Variants in NAV2 observed in about 807,000 individuals in gnomAD.
The protein encoded by NAV2 is neuron navigator 2.
NAV2 carries 54 observed loss-of-function variants against 223.2 expected under a neutral mutation model. The ratio of observed to expected loss-of-function variants is 0.24; its 90% confidence interval spans 0.19 to 0.30. The LOEUF (loss-of-function observed/expected upper bound fraction) is 0.30. NAV2 is among the 10% of genes least tolerant of loss of function. The pLI, the probability that NAV2 is intolerant of heterozygous loss-of-function variation, is 1.00. For missense variants in NAV2, 2,806 were observed against 3,147.5 expected, an observed-to-expected ratio of 0.89 and a Z score of 2.60; for synonymous variants, 1,279 against 1,239.3, an observed-to-expected ratio of 1.03 and a Z score of -0.67.
intron 1 of NAV2, among the ~76,000 whole-genome samples, chr11:19,397,238 C>T (rs1849487677): frequency 6.6e-6 from 1 of 152,122 alleles, no homozygotes; most frequent in Non-Finnish European, 1.5e-5. Flanking sequence ...TAGGCATTTT[C>T]CTTCAATTAT....
chr11:19,569,088 A>C (rs59274974), intron 1 of NAV2, among the ~76,000 whole-genome samples: 4,289 of 152,228 alleles, frequency 0.028, 191 homozygotes, highest in East Asian at 0.14. Flanking sequence ...ATGGTAAATG[A>C]TTTTTCTTCT....
At chr11:19,964,814 T>A (rs2048629697) in intron 10 of NAV2, among the ~76,000 whole-genome samples, 4 of 128,592 alleles carry the variant, frequency 3.1e-5, no homozygotes, top group African/African-American at 1.3e-4. Context: ...TTCTACTTTT[T>A]TTTTTTTTTT....
At chr11:19,537,439 G>A (rs58054087) in intron 1 of NAV2, among the ~76,000 whole-genome samples, 11,303 of 152,166 alleles carry the variant, frequency 0.074, 1,424 homozygotes, top group African/African-American at 0.26. Flanking sequence ...TTCCCAAAGC[G>A]TACTACAAAA....
intron 1 of NAV2, among the ~76,000 whole-genome samples, chr11:19,805,324 T>A (rs1478791372): frequency 6.6e-6 from 1 of 152,204 alleles, no homozygotes; most frequent in African/African-American, 2.4e-5. Context: ...TTTGTCACTT[T>A]TATTAACAGT....
At chr11:19,804,840 G>A (rs2058460846) in intron 1 of NAV2, among the ~76,000 whole-genome samples, 2 of 152,318 alleles carry the variant, frequency 1.3e-5, no homozygotes, top group Admixed American at 6.5e-5. Context: ...GTGAAGAGTG[G>A]CATTCTAACC....
In NAV2 at chr11:20,097,581, A is replaced by C; in HGVS notation, c.6017A>C (p.Tyr2006Ser). 1 of 1,587,486 alleles carries C rather than the reference A, an allele frequency of 6.3e-7. No homozygotes were observed. Among genetic ancestry groups the C allele is most frequent in the Non-Finnish European group, 8.5e-7 (1 of 1,171,406 alleles). Reference sequence around the variant, plus strand: ...TTTATTTTTTATTTTTTCCAGGAATACATCATTCATGTCGACCCAGTGAGT... The same window carrying C: ...TTTATTTTTTATTTTTTCCAGGAATCCATCATTCATGTCGACCCAGTGAGT... Reference protein sequence around the residue: ...DGVVRRLFKEYIIHVDPVSQL... With the variant: ...DGVVRRLFKESIIHVDPVSQL... The change falls in exon 31 of 38, where the codon TAC (tyrosine) becomes TCC (serine). Residue 2006 changes from tyrosine (Y) to serine (S), a missense_variant. Transcript: ENST00000349880.
chr11:19,407,415 G>A (rs1169842335), intron 1 of NAV2, among the ~76,000 whole-genome samples: 1 of 152,194 alleles, frequency 6.6e-6, no homozygotes, highest in Admixed American at 6.5e-5. Context: ...GATGACATGT[G>A]CAAAGAGGAT....
intron 1 of NAV2, among the ~76,000 whole-genome samples, chr11:19,445,010 C>A (rs961252877): frequency 3.3e-5 from 5 of 152,244 alleles, no homozygotes; most frequent in Non-Finnish European, 7.3e-5. Flanking sequence ...ACCACCATCT[C>A]TGCTATCACT....
intron 28 of NAV2, 63 bp from the exon 29 acceptor site, chr11:20,093,036 G>A (rs1267751677): frequency 2.6e-6 from 3 of 1,139,810 alleles, no homozygotes; most frequent in South Asian, 1.3e-5. Flanking sequence ...TGCAGCGGGG[G>A]TGTCAGGAAG....
At chr11:19,419,274 A>C (rs909760065) in intron 1 of NAV2, among the ~76,000 whole-genome samples, 1 of 152,212 alleles carries the variant, frequency 6.6e-6, no homozygotes, top group African/African-American at 2.4e-5. Context: ...CTTTCTTACT[A>C]TCTTTAGAGG....
In NAV2 at chr11:20,100,987, A is replaced by G; in HGVS notation, c.6232A>G (p.Lys2078Glu). Residue 2078 changes from lysine to glutamate, a missense_variant, in exon 32 of 38, where the codon AAG (lysine) becomes GAG (glutamate). Lys to Glu is a moderately conservative substitution (Grantham distance 56). This residue lies in a region of NAV2 where 824 missense variants were observed against 1,069.4 expected (regional missense o/e 0.77). Transcript: ENST00000349880. The part of the protein sequence containing the change: ...DSLVFESLIP[K>E]PILQRYVSLL... ...ACTGGTGTTTGAGTCCTTGATTCCC[A>G]AGCCCATCCTGCAGCGCTACGTCTC... 6.2e-7 allele frequency: 1 copy of G among 1,614,072 alleles called. No homozygotes were observed. Among genetic ancestry groups the G allele is most frequent in the Non-Finnish European group, 8.5e-7 (1 of 1,180,014 alleles).
chr11:19,622,769 A>C (rs1029736555), intron 1 of NAV2, among the ~76,000 whole-genome samples: 1 of 152,154 alleles, frequency 6.6e-6, no homozygotes, highest in Non-Finnish European at 1.5e-5. Context: ...TTTACATTTA[A>C]GGTTAATATT....
intron 1 of NAV2, among the ~76,000 whole-genome samples, chr11:19,421,328 C>T (rs937003046): frequency 4.6e-5 from 7 of 152,118 alleles, no homozygotes; most frequent in East Asian, 3.9e-4. Context: ...GACCAGAGTG[C>T]GCAGCTGGAA....
chr11:19,441,242 A>G (rs956728499), intron 1 of NAV2, among the ~76,000 whole-genome samples: 3 of 152,164 alleles, frequency 2.0e-5, no homozygotes, highest in Admixed American at 2.0e-4. Context: ...GAATGGCTGG[A>G]GATGGATGGG....
intron 1 of NAV2, among the ~76,000 whole-genome samples, chr11:19,667,048 C>T (rs960403816): frequency 2.0e-5 from 3 of 152,154 alleles, no homozygotes; most frequent in African/African-American, 7.2e-5. Context: ...ACCCCAACCC[C>T]CAGACTAGAC....
intron 36 of NAV2, among the ~76,000 whole-genome samples, chr11:20,109,046 A>G (rs2062409592): frequency 6.6e-6 from 1 of 152,218 alleles, no homozygotes; most frequent in Admixed American, 6.5e-5. Context: ...GTGCACCCAC[A>G]GGCACGTGTG....
chr11:20,112,925 C>T (rs898686935), intron 36 of NAV2, among the ~76,000 whole-genome samples: 13 of 152,192 alleles, frequency 8.5e-5, no homozygotes, highest in East Asian at 5.8e-4. Context: ...ACCCTCTCCA[C>T]GGCAGGATTC....
chr11:19,469,878 C>A (rs1161271873), intron 1 of NAV2, among the ~76,000 whole-genome samples: 1 of 152,246 alleles, frequency 6.6e-6, no homozygotes, highest in Non-Finnish European at 1.5e-5. Context: ...TCACTTTGCT[C>A]CTCTGTCTTC....
intron 1 of NAV2, among the ~76,000 whole-genome samples, chr11:19,567,855 G>T (rs2045315897): frequency 6.6e-6 from 1 of 152,124 alleles, no homozygotes. Context: ...TCCTTCCGAG[G>T]GGTCTCCCAT....
Sources: gnomAD v4.1 joint callset for allele counts (sites outside exome capture counted in the v4.1 genomes callset) on GRCh38, gnomAD v4.1.1 for gene constraint, gnomAD v4.1.1 regional missense constraint, MANE v1.5 for transcripts, NCBI Gene and HGNC (gene_info 2026-07-23, HGNC 2026-07-21) for gene names.